The following DEF6 variants were observed in gnomAD, a reference collection of about 807,000 sequenced individuals.
DEF6 encodes differentially expressed in FDCP 6 homolog.
DEF6 carries 32 observed loss-of-function variants against 80.5 expected under a neutral mutation model. The ratio of observed to expected loss-of-function variants is 0.40; its 90% CI spans 0.30 to 0.53. The LOEUF (loss-of-function observed/expected upper bound fraction) is 0.53. Ranked by LOEUF, DEF6 falls within the 20% of genes least tolerant of loss-of-function variation. The probability of loss-of-function intolerance (pLI) is 0.57; values close to 1 mark genes in which losing one functional copy is unlikely to be tolerated. For synonymous variants in DEF6, 300 were observed against 337.9 expected, an observed-to-expected ratio of 0.89 and a Z score of 1.23; for missense variants, 575 against 818.7, an observed-to-expected ratio of 0.70 and a Z score of 3.63.
At chr6:35,308,772 T>C (rs921124837) in intron 1 of DEF6, among the ~76,000 whole-genome samples, 6 of 151,494 alleles carry the variant, frequency 4.0e-5, no homozygotes, top group Admixed American at 2.6e-4. Context: ...AAAACAGTTT[T>C]AATTAAATAA....
At chr6:35,310,761 C>T in intron 3 of DEF6, 117 bp downstream of exon 3, 1 of 1,069,036 alleles carries the variant, frequency 9.4e-7, no homozygotes, top group Non-Finnish European at 1.4e-6. Context: ...TCTTTACCAT[C>T]TTCCCATGCT....
At chr6:35,320,073 A>T in intron 9 of DEF6, 56 bp downstream of exon 9, 7 of 1,509,282 alleles carry the variant, frequency 4.6e-6, no homozygotes, top group Non-Finnish European at 6.3e-6. Flanking sequence ...ATTAGGGCAC[A>T]GGCTCTGGAG....
chr6:35,317,836 G>A lies in DEF6; in HGVS notation c.808-55G>A, dbSNP rs1229676436. 7.2e-6 allele frequency: 11 copies of A among 1,529,204 alleles called. No homozygotes were observed. The East Asian group carries it at 2.3e-4, about 33-fold the overall frequency. 94.7% of individuals were successfully genotyped at this position (1,529,204 alleles called of 1,614,324 possible). A position where few individuals can be genotyped will look rare whatever the true frequency, so the allele number is the denominator to read the frequency against. On this transcript the variant is annotated intron_variant, in intron 5 of 10. Coordinates refer to ENST00000316637, the MANE Select transcript of DEF6 (RefSeq NM_022047.4). Reference sequence around the variant, plus strand: ...TTGAGCTGGAGCACCCTTGGGGCAGGTGGGGCCCTGACCCAGTGAGGCCAG... The same window carrying A: ...TTGAGCTGGAGCACCCTTGGGGCAGATGGGGCCCTGACCCAGTGAGGCCAG...
In DEF6 at chr6:35,312,766, C is replaced by T. The variant is rs981772543; in HGVS notation, c.801C>T (p.Cys267=). ...RGIIPLDAHC[C]VEVLPDRDGK... ...TTATCCCGCTGGATGCACACTGCTG[C>T]GTGGAGGTGAGGGGCAGGATGGGGG... Residue 267 remains cysteine (C), a synonymous_variant, in exon 5 of 11, where the codon TGC becomes TGT. Coordinates refer to ENST00000316637, the MANE Select transcript of DEF6 (RefSeq NM_022047.4). This position sits in a 1 kb window ranked among gnomAD's most constrained non-coding sequence, Gnocchi z 6.6. 6.6e-6 allele frequency: 10 copies of T among 1,520,902 alleles called. No homozygotes were observed. Among genetic ancestry groups the T allele is most frequent in the African/African-American group, 4.3e-5 (3 of 69,974 alleles). The allele number at this position is 1,520,902 out of a possible 1,614,324, so 94.2% of individuals were successfully genotyped here.
rs1300359376 is a variant in DEF6 at position 35,312,903 on chromosome 6, T to C, written c.807+131T>C. On this transcript the variant is annotated intron_variant, in intron 5 of 10. Coordinates refer to ENST00000316637, the MANE Select transcript of DEF6 (RefSeq NM_022047.4). This position sits in a 1 kb window ranked among gnomAD's most constrained non-coding sequence, Gnocchi z 6.6. The stretch of plus-strand genomic sequence containing the variant: ...TGACACAAATTCCTGCTTAGATTAG[T>C]GTGACCCAAATATATCCGGATGCCT... 6 of 1,125,794 alleles carry C rather than the reference T, an allele frequency of 5.3e-6. No homozygotes were observed. The highest frequency in any genetic ancestry group is 2.6e-5 in the East Asian group (1 of 38,638). 69.7% of individuals were successfully genotyped at this position (1,125,794 alleles called of 1,614,324 possible).
intron 1 of DEF6, among the ~76,000 whole-genome samples, chr6:35,299,348 C>G (rs1313906646): frequency 6.6e-6 from 1 of 152,224 alleles, no homozygotes; most frequent in East Asian, 1.9e-4. Context: ...CCACCCTGTC[C>G]CTTTAATATC....
chr6:35,314,407 C>CAAAA (rs34185807), intron 5 of DEF6, among the ~76,000 whole-genome samples: 1 of 99,240 alleles, frequency 1.0e-5, no homozygotes, highest in African/African-American at 3.7e-5. Flanking sequence ...AACTCTATCT[C>CAAAA]AAAAAAAAAA....
At chr6:35,307,811 G>C (rs150654573) in intron 1 of DEF6, among the ~76,000 whole-genome samples, 1 of 152,162 alleles carries the variant, frequency 6.6e-6, no homozygotes, top group Admixed American at 6.5e-5. Context: ...CTGAGGCAAA[G>C]TCTCAATACT....
At position 35,318,894 on chromosome 6, in the gene DEF6, A is replaced by G. The variant is rs1791554861; in HGVS notation, c.1215+423A>G. On this transcript the variant is annotated intron_variant, in intron 7 of 10. Coordinates refer to ENST00000316637, the MANE Select transcript of DEF6 (RefSeq NM_022047.4). This position sits in a 1 kb window ranked among gnomAD's most constrained non-coding sequence, Gnocchi z 5.1. ...AGCGGGACGCGTATGGAGGCGGACT[A>G]GGTGTGCAGAGGCAATTAGATTTAG... is the stretch of plus-strand genomic sequence containing the variant. Among the ~76,000 whole-genome samples the G allele has an allele frequency of 6.6e-6, 1 of 152,168 alleles. No homozygotes were observed. The highest frequency in any genetic ancestry group is 2.1e-4 in the South Asian group (1 of 4,832).
intron 5 of DEF6, among the ~76,000 whole-genome samples, chr6:35,313,904 G>A (rs1393836781): frequency 2.6e-5 from 4 of 152,138 alleles, no homozygotes; most frequent in African/African-American, 9.7e-5. Context: ...CAGTAAACAT[G>A]GGAAGGCAGA....
chr6:35,317,941 C>T lies in DEF6; in HGVS notation c.858C>T (p.Ala286=). 4 of 1,614,020 alleles carry T rather than the reference C, an allele frequency of 2.5e-6. No homozygotes were observed. Among genetic ancestry groups the T allele is most frequent in the Non-Finnish European group, 3.4e-6 (4 of 1,179,998 alleles). Reference sequence around the variant, plus strand: ...GCTGCATGTTCTGTGTGAAGACAGCCAACCGCACGTATGAGATGAGCGCCT... The same window carrying T: ...GCTGCATGTTCTGTGTGAAGACAGCTAACCGCACGTATGAGATGAGCGCCT... ...GKRCMFCVKT[A]NRTYEMSASD... is the part of the protein sequence containing the mutation. The change falls in exon 6 of 11, where the codon GCC becomes GCT. Residue 286 remains alanine (A), a synonymous_variant. Coordinates refer to ENST00000316637, the MANE Select transcript of DEF6 (RefSeq NM_022047.4).
At chr6:35,308,400 T>C (rs1454772002) in intron 1 of DEF6, among the ~76,000 whole-genome samples, 2 of 148,878 alleles carry the variant, frequency 1.3e-5, no homozygotes, top group Non-Finnish European at 3.0e-5. Flanking sequence ...TGGCCGGGCA[T>C]GGTGCCTCAG....
chr6:35,318,976 T>C lies in DEF6; in HGVS notation c.1215+505T>C, dbSNP rs1791555485. Among the ~76,000 whole-genome samples, 1 of 152,168 alleles carries C rather than the reference T, an allele frequency of 6.6e-6. No homozygotes were observed. The highest frequency in any genetic ancestry group is 2.4e-5 in the African/African-American group (1 of 41,424). On this transcript the variant is annotated intron_variant, in intron 7 of 10. Coordinates refer to ENST00000316637, the MANE Select transcript of DEF6 (RefSeq NM_022047.4). The surrounding 1 kb of genome is among the most constrained non-coding windows in gnomAD (Gnocchi z 5.1). ...CACGTAGATTCAATCCTAGCTCTGC[T>C]TCTTACGAGCCCCGTGATCCCAGGC...
chr6:35,298,613 C>T (rs1053150507), intron 1 of DEF6, among the ~76,000 whole-genome samples: 9 of 152,180 alleles, frequency 5.9e-5, no homozygotes, highest in African/African-American at 1.9e-4. Context: ...CCAGGAAAAT[C>T]CCAATCAATG....
chr6:35,313,747 T>G (rs1193364204), intron 5 of DEF6, among the ~76,000 whole-genome samples: 5 of 152,252 alleles, frequency 3.3e-5, no homozygotes. Context: ...CAAAATGACC[T>G]ATGGTGCCAT....
chr6:35,301,794 T>A lies in DEF6; in HGVS notation c.96+3842T>A, dbSNP rs186956533. On this transcript the variant is annotated intron_variant, in intron 1 of 10. Transcript: ENST00000316637. Reference sequence around the variant, plus strand: ...CAGGTTGGAGTATAGTGGTGCAATCTCAGCTCACTGCAACCTCCACCTCCC... The same window carrying A: ...CAGGTTGGAGTATAGTGGTGCAATCACAGCTCACTGCAACCTCCACCTCCC... 2.8e-4 allele frequency among the ~76,000 whole-genome samples: 40 copies of A among 144,680 alleles called. No homozygotes were observed. In the East Asian group the frequency reaches 8.6e-3, roughly 31 times the overall value. 94.9% of individuals were successfully genotyped at this position (144,680 alleles called of 152,430 possible).
rs141509916 is a variant in DEF6 at position 35,312,929 on chromosome 6, C to T, written c.807+157C>T. ...GTGACCCAAATATATCCGGATGCCTCAAGGCCATTCTCATCCACGTCAGCA... is the reference window on the plus strand; with the variant it reads ...GTGACCCAAATATATCCGGATGCCTTAAGGCCATTCTCATCCACGTCAGCA... On this transcript the variant is annotated intron_variant, in intron 5 of 10. Coordinates refer to ENST00000316637, the MANE Select transcript of DEF6 (RefSeq NM_022047.4). The surrounding 1 kb of genome is among the most constrained non-coding windows in gnomAD (Gnocchi z 6.6). Among the ~76,000 whole-genome samples the T allele has an allele frequency of 2.4e-3, 366 of 152,252 alleles. 1 individual carries two copies. Among genetic ancestry groups the T allele is most frequent in the Middle Eastern group, 6.8e-3 (2 of 294 alleles).
intron 9 of DEF6, 21 bp downstream of exon 9, chr6:35,320,038 G>T (rs1296148558): frequency 1.3e-6 from 2 of 1,552,280 alleles, no homozygotes; most frequent in Non-Finnish European, 1.7e-6. Context: ...GGGTGGGATG[G>T]GGTGGAGGCT....
intron 1 of DEF6, among the ~76,000 whole-genome samples, chr6:35,308,731 T>A (rs925859481): frequency 5.1e-5 from 7 of 138,134 alleles, no homozygotes; most frequent in African/African-American, 8.1e-5. Context: ...ATAAAATAAA[T>A]AAAATAATAA....
Sources: gnomAD v4.1 joint callset for allele counts (sites outside exome capture counted in the v4.1 genomes callset) on GRCh38, gnomAD v4.1.1 for gene constraint, Gnocchi (gnomAD v3.1) non-coding constraint, MANE v1.5 for transcripts, NCBI Gene and HGNC (gene_info 2026-07-23, HGNC 2026-07-21) for gene names.